Variants in TTC6 observed in about 807,000 individuals in gnomAD.
TTC6 encodes the protein tetratricopeptide repeat domain 6, also known as tetratricopeptide repeat protein 6.
A neutral mutation model predicts 210.4 loss-of-function variants in TTC6; 172 were observed. The ratio of observed to expected loss-of-function variants is 0.82; its 90% CI spans 0.72 to 0.93. TTC6 has a LOEUF of 0.93. Ranked by LOEUF, TTC6 falls within the 40% of genes least tolerant of loss-of-function variation. The pLI, the probability that TTC6 is intolerant of heterozygous loss-of-function variation, is 0.00. For synonymous variants in TTC6, 804 were observed against 819.6 expected, an observed-to-expected ratio of 0.98 and a Z score of 0.32; for missense variants, 2,414 against 2,318.1, an observed-to-expected ratio of 1.04 and a Z score of -0.85.
chr14:37,839,723 A>G (rs1445263965), intron 29 of TTC6, among the ~76,000 whole-genome samples: 1 of 152,130 alleles, frequency 6.6e-6, no homozygotes, highest in Non-Finnish European at 1.5e-5. Context: ...GTCTTTGCCC[A>G]TGCCTATGTC....
In TTC6 at chr14:37,746,915, A is replaced by T. The variant is rs1263053022; in HGVS notation, c.2364-2024A>T. Among the ~76,000 whole-genome samples the T allele has an allele frequency of 1.3e-5, 2 of 152,120 alleles. 1 individual carries two copies. The highest frequency in any genetic ancestry group is 4.1e-4 in the South Asian group (2 of 4,820). ...AGATTTAAAATTGTCACTCTCATTC[A>T]TACCTCCTTGCATGTTAACATCCCA... is the stretch of plus-strand genomic sequence containing the variant. On this transcript the variant is annotated intron_variant, in intron 10 of 30. Coordinates refer to ENST00000553443, the Ensembl canonical transcript of TTC6.
intron 1 of TTC6, among the ~76,000 whole-genome samples, chr14:37,626,920 A>G (rs2095661385): frequency 6.6e-6 from 1 of 152,168 alleles, no homozygotes; most frequent in Non-Finnish European, 1.5e-5. Flanking sequence ...TATTTCTAAT[A>G]TAATTTCGGT....
At chr14:37,768,778 T>C (rs960305632) in intron 14 of TTC6, among the ~76,000 whole-genome samples, 2 of 152,168 alleles carry the variant, frequency 1.3e-5, no homozygotes, top group African/African-American at 2.4e-5. Context: ...CTTTTCCTAA[T>C]TGAATACCCT....
chr14:37,622,357 C>T (rs964287084), exon 1 of TTC6: 16 of 1,530,774 alleles, frequency 1.0e-5, no homozygotes, highest in Non-Finnish European at 1.2e-5. Flanking sequence ...GGAGGCGCGC[C>T]GCGTCCCTCG....
chr14:37,697,397 G>A (rs1400168451), intron 4 of TTC6, among the ~76,000 whole-genome samples: 1 of 152,014 alleles, frequency 6.6e-6, no homozygotes, highest in Non-Finnish European at 1.5e-5. Context: ...TTTACATTTT[G>A]CTAGTCACCT....
At chr14:37,838,356 T>C (rs2096202627) in intron 29 of TTC6, among the ~76,000 whole-genome samples, 1 of 152,202 alleles carries the variant, frequency 6.6e-6, no homozygotes, top group Non-Finnish European at 1.5e-5. Flanking sequence ...CAAAATGCTA[T>C]AAAAGTTACT....
rs1555384840 is a variant in TTC6, at chr14:37,663,979, A to AT, written c.940-16172_940-16171insT. 3.4e-3 allele frequency among the ~76,000 whole-genome samples: 508 copies of AT among 148,554 alleles called. 20 individuals are homozygous for AT. The highest frequency in any genetic ancestry group is 5.8e-3 in the Non-Finnish European group (380 of 65,608). ...AGGACCTCTTCAAGGAGAACTATAA[A>AT]CCACTGCTCAAAGAAATCAGAGATG... is the stretch of plus-strand genomic sequence containing the variant. On this transcript the variant is annotated intron_variant, in intron 1 of 30. Transcript: ENST00000553443.
At chr14:37,840,592 A>G (rs1467245034) in intron 29 of TTC6, among the ~76,000 whole-genome samples, 1 of 152,214 alleles carries the variant, frequency 6.6e-6, no homozygotes, top group Non-Finnish European at 1.5e-5. Context: ...AGATGCGACA[A>G]TCCTCAATAA....
At chr14:37,804,596 C>G (rs2096114120) in intron 20 of TTC6, 84 bp from the exon 23 acceptor site, 3 of 1,519,694 alleles carry the variant, frequency 2.0e-6, no homozygotes, top group Non-Finnish European at 2.7e-6. Flanking sequence ...GCTCTGTGCT[C>G]CTTTTAACAT....
At chr14:37,751,001 A>G (rs560963157) in intron 12 of TTC6, 52 bp from the exon 15 acceptor site, 1 of 1,237,432 alleles carries the variant, frequency 8.1e-7, no homozygotes, top group Non-Finnish European at 1.1e-6. Flanking sequence ...TAAAATTTTC[A>G]TAGGAATGAA....
chr14:37,632,950 C>T (rs538161764), intron 1 of TTC6, among the ~76,000 whole-genome samples: 69 of 152,198 alleles, frequency 4.5e-4, no homozygotes, highest in Non-Finnish European at 8.7e-4. Flanking sequence ...TCAGTAAGGG[C>T]AGACAACGCC....
chr14:37,671,501 G>A (rs775125618), intron 1 of TTC6, among the ~76,000 whole-genome samples: 9 of 151,962 alleles, frequency 5.9e-5, no homozygotes, highest in African/African-American at 4.8e-5. Context: ...CATCAGGATA[G>A]GTGAACACAT....
intron 10 of TTC6, among the ~76,000 whole-genome samples, chr14:37,739,407 C>G (rs1037173262): frequency 4.0e-5 from 6 of 151,682 alleles, no homozygotes; most frequent in African/African-American, 1.5e-4. Context: ...TGAAACCCCT[C>G]TCTACCAAAA....
At chr14:37,749,113 G>A (rs777959014) in exon 11 of TTC6, 29 of 1,535,564 alleles carry the variant, frequency 1.9e-5, no homozygotes, top group Non-Finnish European at 2.4e-5. Flanking sequence ...CTCTTGATAG[G>A]CTCATTGAGT....
rs974201578 is a variant in TTC6, at chr14:37,766,965, C to T, written c.3266+13730C>T. Among the ~76,000 whole-genome samples, 28 of 152,060 alleles carry T rather than the reference C, an allele frequency of 1.8e-4. 1 individual carries two copies. The highest frequency in any genetic ancestry group is 6.5e-4 in the Admixed American group (10 of 15,270). ...ATCCCTCTCCCCTCCCCACATCCCA[C>T]AGCAGTCCCCAGTGTGATGTTCCCC... On this transcript the variant is annotated intron_variant, in intron 14 of 30. Coordinates refer to ENST00000553443, the Ensembl canonical transcript of TTC6.
At chr14:37,828,205 T>C (rs2139520778) in intron 29 of TTC6, among the ~76,000 whole-genome samples, 1 of 152,260 alleles carries the variant, frequency 6.6e-6, no homozygotes, top group Middle Eastern at 3.4e-3. Context: ...TGATGATATT[T>C]TCTATTTTTT....
At chr14:37,624,924 C>G (rs2139311621) in intron 1 of TTC6, among the ~76,000 whole-genome samples, 1 of 152,138 alleles carries the variant, frequency 6.6e-6, no homozygotes. Context: ...CCCGGCCCCA[C>G]TTGTGTATTC....
chr14:37,692,901 A>C (rs886309657), intron 3 of TTC6, among the ~76,000 whole-genome samples: 16 of 144,042 alleles, frequency 1.1e-4, no homozygotes, highest in East Asian at 6.3e-4. Context: ...ATAAATAAAT[A>C]AATCCCAAAA....
chr14:37,808,394 G>C (rs1242082164), intron 23 of TTC6, among the ~76,000 whole-genome samples: 2 of 152,146 alleles, frequency 1.3e-5, no homozygotes, highest in Non-Finnish European at 2.9e-5. Flanking sequence ...GTGAATGTTT[G>C]CTGCATTAAT....
Sources: gnomAD v4.1 joint callset for allele counts (sites outside exome capture counted in the v4.1 genomes callset) on GRCh38, gnomAD v4.1.1 for gene constraint, MANE v1.5 for transcripts, NCBI Gene and HGNC (gene_info 2026-07-23, HGNC 2026-07-21) for gene names.